The following STXBP5L variants were observed in gnomAD, a reference collection of about 807,000 sequenced individuals.
The protein encoded by STXBP5L is syntaxin-binding protein 5-like.
A neutral mutation model predicts 144.5 loss-of-function variants in STXBP5L; 65 were observed. The ratio of observed to expected loss-of-function variants is 0.45; its 90% CI spans 0.37 to 0.55. STXBP5L has a LOEUF of 0.55. Ranked by LOEUF, STXBP5L falls within the 20% of genes least tolerant of loss-of-function variation. STXBP5L has a pLI of 0.00. For synonymous variants in STXBP5L, 505 were observed against 469.6 expected (o/e 1.08, Z -0.97); for missense variants, 1,298 against 1,405.5 (o/e 0.92, Z 1.22).
At chr3:121,161,913 A>T (rs993706549) in intron 9 of STXBP5L, among the ~76,000 whole-genome samples, 6 of 152,152 alleles carry the variant, frequency 3.9e-5, no homozygotes, top group African/African-American at 1.4e-4. Context: ...ATATTATTAG[A>T]CTTGAAAATG....
Position 121,361,824 on chromosome 3 carries a change from A to C in STXBP5L, c.2177-16892A>C, listed in dbSNP as rs1243715393. 2.0e-5 allele frequency among the ~76,000 whole-genome samples: 3 copies of C among 152,074 alleles called. No individual in the cohort carries two copies. In the East Asian group the frequency reaches 5.8e-4, roughly 29 times the overall value. On this transcript the variant is annotated intron_variant, in intron 20 of 26. Coordinates refer to ENST00000471454, the MANE Select transcript of STXBP5L (RefSeq NM_001308330.2). The stretch of plus-strand genomic sequence containing the variant: ...CTTATTTAATTCATTTGGTGAAGTC[A>C]TGTTTTCCTGGATAGTGTTGATGCT...
At chr3:121,199,559 C>T (rs2048056968) in intron 9 of STXBP5L, among the ~76,000 whole-genome samples, 1 of 152,124 alleles carries the variant, frequency 6.6e-6, no homozygotes, top group African/African-American at 2.4e-5. Context: ...TGTCTTGTGC[C>T]AGTTTTCAAA....
At chr3:121,192,988 A>G (rs947874075) in intron 9 of STXBP5L, among the ~76,000 whole-genome samples, 40 of 147,772 alleles carry the variant, frequency 2.7e-4, no homozygotes, top group African/African-American at 9.7e-4. Context: ...TAATTAAACT[A>G]AAGAGCTTCT....
At chr3:120,955,223 G>T (rs542616475) in intron 3 of STXBP5L, among the ~76,000 whole-genome samples, 186 bp downstream of exon 3, 7 of 151,848 alleles carry the variant, frequency 4.6e-5, no homozygotes, top group African/African-American at 1.5e-4. Context: ...GATCAGTATT[G>T]ATGTCTCTTC....
chr3:121,174,448 G>C (rs2046852891), intron 9 of STXBP5L, among the ~76,000 whole-genome samples: 1 of 151,930 alleles, frequency 6.6e-6, no homozygotes, highest in African/African-American at 2.4e-5. Flanking sequence ...TATACTTATA[G>C]AAAAAAGTTT....
At chr3:121,065,736 A>C (rs1439611200) in intron 5 of STXBP5L, among the ~76,000 whole-genome samples, 1 of 152,270 alleles carries the variant, frequency 6.6e-6, no homozygotes, top group South Asian at 2.1e-4. Flanking sequence ...ATTAAAAAAT[A>C]TATATTATTA....
intron 5 of STXBP5L, among the ~76,000 whole-genome samples, chr3:121,051,318 T>C (rs1330136061): frequency 6.6e-6 from 1 of 152,032 alleles, no homozygotes; most frequent in African/African-American, 2.4e-5. Context: ...TATTCCAAAA[T>C]TGACCACATA....
At chr3:121,159,796 A>AT (rs370579875) in intron 9 of STXBP5L, among the ~76,000 whole-genome samples, 14,958 of 149,978 alleles carry the variant, frequency 0.1, 1,136 homozygotes, top group Admixed American at 0.2. Flanking sequence ...TGCCCGGCTA[A>AT]TTTTTTTTTG....
At chr3:121,244,973 C>T (rs1013651189) in intron 14 of STXBP5L, among the ~76,000 whole-genome samples, 3 of 151,932 alleles carry the variant, frequency 2.0e-5, no homozygotes, top group South Asian at 2.1e-4. Flanking sequence ...ACAACACCAC[C>T]GAAGCATACA....
chr3:121,171,930 C>G (rs1258454124), intron 9 of STXBP5L, among the ~76,000 whole-genome samples: 3 of 152,198 alleles, frequency 2.0e-5, no homozygotes, highest in Non-Finnish European at 4.4e-5. Flanking sequence ...CTGGAGGCAT[C>G]ACACTACTTG....
At chr3:121,300,547 T>G (rs931633146) in intron 19 of STXBP5L, among the ~76,000 whole-genome samples, 3 of 152,038 alleles carry the variant, frequency 2.0e-5, no homozygotes, top group African/African-American at 7.2e-5. Flanking sequence ...GGAGAAGTGA[T>G]GTAAGAATAA....
rs148821056 is a variant in STXBP5L, at chr3:121,015,056, A to G, written c.288-26644A>G. On this transcript the variant is annotated intron_variant, in intron 3 of 26. Transcript: ENST00000471454. ...AGAAAAAGATCATGTTTGTGTGTTG[A>G]ATGACTCAGTGTCATTAAGAGGTTC... Among the ~76,000 whole-genome samples, 5 of 152,240 alleles carry G rather than the reference A, an allele frequency of 3.3e-5. No homozygotes were observed. The East Asian group carries it at 7.7e-4, about 23-fold the overall frequency.
At chr3:121,099,424 G>C (rs2043301845) in intron 5 of STXBP5L, 1 of 152,222 alleles carries the variant, frequency 6.6e-6, no homozygotes, top group African/African-American at 2.4e-5. Context: ...TCAGAGTGGA[G>C]TTCTTCAAGA....
chr3:121,399,572 G>A (rs1020648317), intron 22 of STXBP5L, among the ~76,000 whole-genome samples: 1 of 152,192 alleles, frequency 6.6e-6, no homozygotes, highest in Non-Finnish European at 1.5e-5. Flanking sequence ...TTAACTAAAA[G>A]TATCCCTTAT....
At chr3:121,399,515 G>T (rs113431119) in intron 22 of STXBP5L, among the ~76,000 whole-genome samples, 7 of 152,102 alleles carry the variant, frequency 4.6e-5, no homozygotes, top group Admixed American at 3.9e-4. Flanking sequence ...ATTTACCCAC[G>T]TATTTATCAA....
chr3:121,042,216 A>G (rs118168805), intron 4 of STXBP5L, among the ~76,000 whole-genome samples: 2 of 152,202 alleles, frequency 1.3e-5, no homozygotes, highest in East Asian at 3.9e-4. Context: ...ATATCTCCAA[A>G]TACATTTGTT....
chr3:121,198,838 G>A (rs2048023472), intron 9 of STXBP5L, among the ~76,000 whole-genome samples: 1 of 152,100 alleles, frequency 6.6e-6, no homozygotes, highest in Non-Finnish European at 1.5e-5. Context: ...TGTTTCATTG[G>A]TCTATATATC....
At chr3:120,997,329 A>T (rs1030942395) in intron 3 of STXBP5L, among the ~76,000 whole-genome samples, 3 of 152,174 alleles carry the variant, frequency 2.0e-5, no homozygotes, top group African/African-American at 7.2e-5. Context: ...GTTTAGTTGA[A>T]TGATAGTTCT....
intron 5 of STXBP5L, among the ~76,000 whole-genome samples, chr3:121,096,870 ACT>A (rs1475565730): frequency 2.6e-5 from 4 of 151,724 alleles, no homozygotes; most frequent in African/African-American, 7.3e-5. Context: ...TAGCTCAAAC[ACT>A]CTGCTGGGAG....
Sources: gnomAD v4.1 joint callset for allele counts (sites outside exome capture counted in the v4.1 genomes callset) on GRCh38, gnomAD v4.1.1 for gene constraint, MANE v1.5 for transcripts, NCBI Gene and HGNC (gene_info 2026-07-23, HGNC 2026-07-21) for gene names.